Variants in SRRM3 observed in about 807,000 individuals in gnomAD.
The protein encoded by SRRM3 is serine/arginine repetitive matrix protein 3.
SRRM3 carries 27 observed loss-of-function variants against 66.2 expected under a neutral mutation model. The observed-to-expected ratio is 0.41, with a 90% CI of 0.30 to 0.56. The LOEUF is 0.56. Among genes scored for constraint, SRRM3 ranks in the 20% least tolerant of loss-of-function variants. The pLI, the probability that SRRM3 is intolerant of heterozygous loss-of-function variation, is 0.32. For synonymous variants in SRRM3, 391 were observed against 414.9 expected (o/e 0.94, Z 0.70); for missense variants, 918 against 991.9 (o/e 0.93, Z 1.00).
chr7:76,277,716 C>CAAAAAAAAAAAAAAAAAA (rs386353056), intron 11 of SRRM3, among the ~76,000 whole-genome samples: 1 of 102,780 alleles, frequency 9.7e-6, no homozygotes, highest in East Asian at 2.7e-4. Context: ...TAAACAACAA[C>CAAAAAAAAAAAAAAAAAA]AAAAAAAAAA....
chr7:76,277,560 G>T lies in SRRM3; in HGVS notation c.1009-3881G>T, dbSNP rs185353110. 9.9e-4 allele frequency among the ~76,000 whole-genome samples: 151 copies of T among 152,072 alleles called. 2 individuals are homozygous for T. The highest frequency in any genetic ancestry group is 2.9e-5 in the Non-Finnish European group (2 of 67,980). ...AATACAAAAAAATTAGCTTGACATG[G>T]TGGCTCACGCCTGTAATCCCTTAGC... On this transcript the variant is annotated intron_variant, in intron 11 of 14. Coordinates refer to ENST00000611745, the MANE Select transcript of SRRM3 (RefSeq NM_001110199.3).
In SRRM3 at chr7:76,285,405, C is replaced by T; in HGVS notation, c.1734-210C>T. Reference sequence around the variant, plus strand: ...AGCAGGTGTTCGGATCGGGCAGAGACATGGTCTCCTTTCCCTGCAGATAGG... The same window carrying T: ...AGCAGGTGTTCGGATCGGGCAGAGATATGGTCTCCTTTCCCTGCAGATAGG... On this transcript the variant is annotated intron_variant, in intron 14 of 14. Coordinates refer to ENST00000611745, the MANE Select transcript of SRRM3 (RefSeq NM_001110199.3). This position sits in a 1 kb window ranked among gnomAD's most constrained non-coding sequence, Gnocchi z 4.1. 1.7e-6 allele frequency: 1 copy of T among 588,748 alleles called. No individual in the cohort carries two copies. Among genetic ancestry groups the T allele is most frequent in the Non-Finnish European group, 3.0e-6 (1 of 329,228 alleles). The allele number at this position is 588,748 out of a possible 1,614,324, so 36.5% of individuals were successfully genotyped here.
intron 2 of SRRM3, among the ~76,000 whole-genome samples, chr7:76,240,282 G>A (rs1463697661): frequency 6.6e-6 from 1 of 152,102 alleles, no homozygotes; most frequent in Non-Finnish European, 1.5e-5. Flanking sequence ...CCAAGAGTTT[G>A]AGACCAGCCT....
chr7:76,233,725 G>A (rs563435099), intron 1 of SRRM3, among the ~76,000 whole-genome samples: 14 of 152,276 alleles, frequency 9.2e-5, no homozygotes, highest in Non-Finnish European at 1.5e-5. Context: ...CTCAGAGAGG[G>A]GTAGTGACAT....
intron 2 of SRRM3, among the ~76,000 whole-genome samples, chr7:76,242,523 G>C (rs1304888124): frequency 2.6e-5 from 4 of 152,050 alleles, no homozygotes; most frequent in Non-Finnish European, 5.9e-5. Context: ...GACTAGGCGG[G>C]GTGGTGGGGG....
At chr7:76,280,116 TAAAAAA>T (rs567656342) in intron 11 of SRRM3, among the ~76,000 whole-genome samples, 2 of 118,406 alleles carry the variant, frequency 1.7e-5, no homozygotes, top group African/African-American at 6.3e-5. Context: ...AATCAGAACT[TAAAAAA>T]AAAAAAAAGA....
chr7:76,285,988 G>C lies in SRRM3; in HGVS notation c.*145G>C, dbSNP rs548484396. On this transcript the variant is annotated 3_prime_UTR_variant, in exon 15 of 15. Coordinates refer to ENST00000611745, the MANE Select transcript of SRRM3 (RefSeq NM_001110199.3). The surrounding 1 kb of genome is among the most constrained non-coding windows in gnomAD (Gnocchi z 4.1). The stretch of plus-strand genomic sequence containing the variant: ...GGCCAGTGCACGGGCAGATGGGACC[G>C]GGGAAGACTTTGAGGGTGGGCATCC... The C allele has an allele frequency of 2.2e-6, 2 of 901,484 alleles. No individual in the cohort carries two copies. The highest frequency in any genetic ancestry group is 3.4e-5 in the African/African-American group (2 of 59,202). 55.8% of individuals were successfully genotyped at this position (901,484 alleles called of 1,614,324 possible).
chr7:76,208,295 A>T (rs1415679173), intron 1 of SRRM3, among the ~76,000 whole-genome samples: 5 of 151,838 alleles, frequency 3.3e-5, no homozygotes, highest in African/African-American at 1.2e-4. Flanking sequence ...CCAACCTCCA[A>T]CCCTTTTTCT....
intron 11 of SRRM3, 141 bp from the exon 12 acceptor site, chr7:76,281,296 TCTCC>T (rs575977497): frequency 3.0e-4 from 153 of 504,622 alleles, no homozygotes; most frequent in Admixed American, 4.7e-4. Flanking sequence ...TGTCTCTGTC[TCTCC>T]CTCTTTCCTC....
rs143948708 is a variant in SRRM3 at position 76,215,625 on chromosome 7, G to GT, written c.-40+13577dup. Among the ~76,000 whole-genome samples the GT allele has an allele frequency of 8.6e-3, 1,019 of 119,160 alleles. 8 individuals carry two copies. Among genetic ancestry groups the GT allele is most frequent in the Middle Eastern group, 0.036 (8 of 222 alleles). The allele number at this position is 119,160 out of a possible 152,430, so 78.2% of individuals were successfully genotyped here. A position where few individuals can be genotyped will look rare whatever the true frequency, so the allele number is the denominator to read the frequency against. Reference sequence around the variant, plus strand: ...GGGTCTTGCTATGTTGCCCAGTCTGGTTTTTTTTTTTTTTTTTTTGAGACA... The same window carrying GT: ...GGGTCTTGCTATGTTGCCCAGTCTGGTTTTTTTTTTTTTTTTTTTTGAGACA... On this transcript the variant is annotated intron_variant, in intron 1 of 14. Coordinates refer to ENST00000611745, the MANE Select transcript of SRRM3 (RefSeq NM_001110199.3).
chr7:76,265,350 C>G lies in SRRM3; in HGVS notation c.726-14C>G. The G allele has an allele frequency of 6.3e-7, 1 of 1,584,444 alleles. No individual in the cohort carries two copies. Among genetic ancestry groups the G allele is most frequent in the Non-Finnish European group, 8.6e-7 (1 of 1,164,704 alleles). The stretch of plus-strand genomic sequence containing the variant: ...AGAATTGAGGTACAGGCTGATTTCC[C>G]CCATCCACGCCAGGCCTCACACAGA... On this transcript the variant is annotated splice_polypyrimidine_tract_variant and intron_variant, in intron 9 of 14. Transcript: ENST00000611745.
At chr7:76,248,550 T>A (rs1801497515) in intron 3 of SRRM3, among the ~76,000 whole-genome samples, 1 of 152,062 alleles carries the variant, frequency 6.6e-6, no homozygotes, top group Admixed American at 6.6e-5. Context: ...GTGGGAGGCA[T>A]GGGGAAGGCA....
At chr7:76,206,352 A>G (rs1483472408) in intron 1 of SRRM3, among the ~76,000 whole-genome samples, 1 of 152,184 alleles carries the variant, frequency 6.6e-6, no homozygotes, top group African/African-American at 2.4e-5. Context: ...GAGTGGGTTC[A>G]GAGAGGAGAA....
chr7:76,213,682 G>C (rs1800491209), intron 1 of SRRM3, among the ~76,000 whole-genome samples: 1 of 152,138 alleles, frequency 6.6e-6, no homozygotes, highest in African/African-American at 2.4e-5. Context: ...TCTGTAGCTT[G>C]GGGACTTGAA....
intron 8 of SRRM3, 63 bp from the exon 9 acceptor site, chr7:76,264,701 TC>T: frequency 1.3e-6 from 2 of 1,559,910 alleles, no homozygotes; most frequent in South Asian, 2.2e-5. Context: ...ATACCCAGGC[TC>T]CAGGGCACGA....
At chr7:76,263,487 G>T (rs782215429) in intron 8 of SRRM3, among the ~76,000 whole-genome samples, 1 of 152,176 alleles carries the variant, frequency 6.6e-6, no homozygotes. Context: ...TGCCCCAGAG[G>T]GCTGGATGGG....
intron 1 of SRRM3, among the ~76,000 whole-genome samples, 178 bp downstream of exon 1, chr7:76,202,245 T>C (rs953535367): frequency 6.7e-6 from 1 of 149,882 alleles, no homozygotes; most frequent in African/African-American, 2.5e-5. Context: ...ATGAGGAACA[T>C]TCATTTCACT....
In SRRM3 at chr7:76,283,765, G is replaced by A. The variant is rs906164998; in HGVS notation, c.1733+664G>A. On this transcript the variant is annotated intron_variant, in intron 14 of 14. Transcript: ENST00000611745. ...CTACACAGCTGTGGGGCTGTGCCCAGGGCGTGGCTGGTGAAGCCATTATCA... is the reference window on the plus strand; with the variant it reads ...CTACACAGCTGTGGGGCTGTGCCCAAGGCGTGGCTGGTGAAGCCATTATCA... The A allele has an allele frequency of 9.1e-6, 9 of 985,204 alleles. No homozygotes were observed. The East Asian group carries it at 1.0e-3, about 112-fold the overall frequency. 61.0% of individuals were successfully genotyped at this position (985,204 alleles called of 1,614,324 possible).
At chr7:76,266,232 A>AATATATAAATATTTATATATTTAAT (rs1802030557) in intron 10 of SRRM3, among the ~76,000 whole-genome samples, 1 of 74,992 alleles carries the variant, frequency 1.3e-5, no homozygotes, top group Non-Finnish European at 2.0e-5. Context: ...TTATATATTT[A>AATATATAAATATTTATATATTTAAT]ATATATATAA....
Sources: allele counts gnomAD v4.1 joint callset (sites outside exome capture counted in the v4.1 genomes callset), GRCh38; gene constraint gnomAD v4.1.1; non-coding constraint Gnocchi (gnomAD v3.1); transcripts MANE v1.5; gene names NCBI Gene and HGNC (gene_info 2026-07-23, HGNC 2026-07-21).